Variants in ZNF385D observed in about 807,000 individuals in gnomAD.
The protein encoded by ZNF385D is zinc finger protein 385D, also known as zinc finger protein 659.
In ZNF385D, 15 loss-of-function variants were observed where a neutral mutation model predicts 35.8. The observed-to-expected ratio is 0.42, with a 90% CI of 0.28 to 0.64. ZNF385D has a LOEUF of 0.64. ZNF385D is among the 30% of genes least tolerant of loss of function. The pLI is 0.23. For missense variants in ZNF385D, 474 were observed against 494.6 expected, an observed-to-expected ratio of 0.96 and a Z score of 0.39; for synonymous variants, 212 against 186.8, an observed-to-expected ratio of 1.13 and a Z score of -1.10.
At chr3:21,529,986 G>A (rs763220347) in intron 3 of ZNF385D, among the ~76,000 whole-genome samples, 4 of 152,228 alleles carry the variant, frequency 2.6e-5, no homozygotes, top group African/African-American at 4.8e-5. Flanking sequence ...TGGGTCATGG[G>A]GGGGGTGAAC....
chr3:22,337,540 A>C (rs1358709983), intron 2 of ZNF385D, among the ~76,000 whole-genome samples: 1 of 152,210 alleles, frequency 6.6e-6, no homozygotes, highest in Non-Finnish European at 1.5e-5. Flanking sequence ...TTTCAAAAAA[A>C]ATAAAAATAA....
chr3:21,612,194 C>T (rs1445059571), intron 2 of ZNF385D, among the ~76,000 whole-genome samples: 1 of 152,124 alleles, frequency 6.6e-6, no homozygotes. Flanking sequence ...AAGCAATTCT[C>T]CTGCCTCAGC....
intron 3 of ZNF385D, among the ~76,000 whole-genome samples, chr3:21,529,760 G>A (rs1188035727): frequency 6.6e-6 from 1 of 152,156 alleles, no homozygotes; most frequent in Non-Finnish European, 1.5e-5. Flanking sequence ...AAAACGGAAT[G>A]AAACTAAGTT....
At chr3:21,573,094 CACACAATAT>C (rs1489931811) in intron 2 of ZNF385D, among the ~76,000 whole-genome samples, 1 of 152,226 alleles carries the variant, frequency 6.6e-6, no homozygotes, top group East Asian at 1.9e-4. Context: ...TCTTAACCAT[CACACAATAT>C]TTTCTTTCAT....
chr3:22,174,613 G>A (rs1465174797), intron 2 of ZNF385D, among the ~76,000 whole-genome samples: 1 of 152,116 alleles, frequency 6.6e-6, no homozygotes, highest in Non-Finnish European at 1.5e-5. Context: ...AATAGTGGTA[G>A]AGACCAAGGC....
intron 3 of ZNF385D, among the ~76,000 whole-genome samples, chr3:21,550,267 A>C (rs76751352): frequency 6.6e-6 from 1 of 152,144 alleles, no homozygotes; most frequent in African/African-American, 2.4e-5. Flanking sequence ...AATAATACTG[A>C]TAAGTATTAA....
chr3:21,994,351 T>A (rs1054067428), intron 3 of ZNF385D, among the ~76,000 whole-genome samples: 3 of 152,242 alleles, frequency 2.0e-5, no homozygotes, highest in Non-Finnish European at 4.4e-5. Context: ...CTTGTTAATT[T>A]TATTCACCGA....
At chr3:21,932,660 A>C (rs535695276) in intron 3 of ZNF385D, among the ~76,000 whole-genome samples, 7 of 151,984 alleles carry the variant, frequency 4.6e-5, no homozygotes, top group African/African-American at 1.4e-4. Context: ...GGTTAAAAAA[A>C]CCCCACATGC....
At chr3:22,203,097 C>T (rs532243985) in intron 2 of ZNF385D, among the ~76,000 whole-genome samples, 3 of 152,120 alleles carry the variant, frequency 2.0e-5, no homozygotes, top group South Asian at 2.1e-4. Context: ...TCCCTCAATC[C>T]CAGGCAGTGC....
chr3:21,965,713 T>A (rs9855038), intron 3 of ZNF385D, among the ~76,000 whole-genome samples: 1,905 of 152,294 alleles, frequency 0.013, 57 homozygotes, highest in African/African-American at 0.043. Context: ...TATATCAACA[T>A]TAAATTTCCT....
intron 2 of ZNF385D, among the ~76,000 whole-genome samples, chr3:21,631,211 G>C (rs1262722503): frequency 1.3e-5 from 2 of 152,050 alleles, no homozygotes; most frequent in East Asian, 3.9e-4. Context: ...GGACGGTTGG[G>C]AACAGTAGCA....
At chr3:21,888,565 T>G (rs552311889) in intron 3 of ZNF385D, among the ~76,000 whole-genome samples, 3 of 152,080 alleles carry the variant, frequency 2.0e-5, no homozygotes, top group Non-Finnish European at 2.9e-5. Context: ...GGAATAGTTT[T>G]CAGTGTTGCT....
At chr3:22,203,562 G>C (rs1273482752) in intron 2 of ZNF385D, among the ~76,000 whole-genome samples, 2 of 152,108 alleles carry the variant, frequency 1.3e-5, no homozygotes, top group East Asian at 1.9e-4. Flanking sequence ...GGGATCTGCA[G>C]TTCTAGGCCT....
At chr3:21,781,465 G>A (rs1417639430) in intron 3 of ZNF385D, among the ~76,000 whole-genome samples, 2 of 152,050 alleles carry the variant, frequency 1.3e-5, no homozygotes, top group African/African-American at 4.8e-5. Flanking sequence ...CAAAGATGGT[G>A]CCAAGAAGTG....
chr3:21,947,600 T>C (rs936749831), intron 3 of ZNF385D, among the ~76,000 whole-genome samples: 19 of 152,148 alleles, frequency 1.2e-4, no homozygotes, highest in Non-Finnish European at 1.5e-4. Context: ...ACCGCCCACA[T>C]TGGACTCCCA....
chr3:22,240,240 C>A (rs1000894405), intron 2 of ZNF385D, among the ~76,000 whole-genome samples: 2 of 147,838 alleles, frequency 1.4e-5, no homozygotes, highest in South Asian at 4.6e-4. Context: ...AAGTCATCAT[C>A]ATTAGAAATT....
chr3:21,717,515 C>T (rs963023098), intron 1 of ZNF385D, among the ~76,000 whole-genome samples: 1 of 152,188 alleles, frequency 6.6e-6, no homozygotes, highest in Admixed American at 6.5e-5. Context: ...CAGCATGTCA[C>T]TCCTCTGGTT....
chr3:21,870,053 A>G (rs1697603270), intron 3 of ZNF385D, among the ~76,000 whole-genome samples: 1 of 152,082 alleles, frequency 6.6e-6, no homozygotes, highest in Non-Finnish European at 1.5e-5. Flanking sequence ...CCTCATTCTC[A>G]TTGTTAAATT....
At chr3:21,691,419 C>G (rs907084145) in intron 1 of ZNF385D, among the ~76,000 whole-genome samples, 5 of 152,204 alleles carry the variant, frequency 3.3e-5, no homozygotes, top group Admixed American at 3.3e-4. Context: ...CACCCTCAAC[C>G]TCCACATTCA....
Sources: gnomAD v4.1 joint callset for allele counts (sites outside exome capture counted in the v4.1 genomes callset) on GRCh38, gnomAD v4.1.1 for gene constraint, MANE v1.5 for transcripts, NCBI Gene and HGNC (gene_info 2026-07-23, HGNC 2026-07-21) for gene names.